PTPRR: variants seen among roughly 807,000 people sequenced by gnomAD.
The protein encoded by PTPRR is protein tyrosine phosphatase receptor type R.
Under a neutral mutation model 77.2 loss-of-function variants are expected in PTPRR, and 38 were observed. The observed-to-expected ratio is 0.49, with a 90% confidence interval of 0.38 to 0.65. The LOEUF (loss-of-function observed/expected upper bound fraction) is 0.65, where lower values mean the gene tolerates loss of function less well. PTPRR is among the 30% of genes least tolerant of loss of function. The pLI, the probability that PTPRR is intolerant of heterozygous loss-of-function variation, is 0.00. For missense variants in PTPRR, 744 were observed against 799.2 expected (o/e 0.93, Z 0.83); for synonymous variants, 299 against 283.1 (o/e 1.06, Z -0.57).
chr12:70,892,910 G>A lies in PTPRR; in HGVS notation c.126C>T (p.Phe42=), dbSNP rs761907301. Residue 42 remains phenylalanine (F), a synonymous_variant, in exon 2 of 14, where the codon TTC becomes TTT. Transcript: ENST00000283228. ...INQKKSGKPV[F]IYKHSQDIEK... ...CAATGTCTTGTGAATGCTTATAAATGAATACCGGCTTCCCACTCTTCTTCT... is the reference window on the plus strand; with the variant it reads ...CAATGTCTTGTGAATGCTTATAAATAAATACCGGCTTCCCACTCTTCTTCT... 2 of 1,613,470 alleles carry A rather than the reference G, an allele frequency of 1.2e-6. No individual in the cohort carries two copies. The highest frequency in any genetic ancestry group is 1.7e-6 in the Non-Finnish European group (2 of 1,179,590).
At chr12:70,831,602 A>G (rs910381376) in intron 2 of PTPRR, among the ~76,000 whole-genome samples, 2 of 152,210 alleles carry the variant, frequency 1.3e-5, no homozygotes, top group African/African-American at 2.4e-5. Flanking sequence ...CAAATGCTAC[A>G]AAATAGAGCA....
intron 6 of PTPRR, among the ~76,000 whole-genome samples, chr12:70,705,722 A>AT (rs35564239): frequency 0.045 from 6,772 of 149,032 alleles, 535 homozygotes; most frequent in African/African-American, 0.15. Flanking sequence ...GACTTCCGAG[A>AT]TTTTTTTTTT....
chr12:70,889,168 A>G (rs930107277), intron 2 of PTPRR, among the ~76,000 whole-genome samples: 2 of 152,190 alleles, frequency 1.3e-5, no homozygotes, highest in African/African-American at 4.8e-5. Flanking sequence ...TTCTGTTGAT[A>G]TGTACATAGA....
intron 2 of PTPRR, among the ~76,000 whole-genome samples, chr12:70,809,307 G>C (rs898395730): frequency 2.6e-5 from 4 of 152,176 alleles, no homozygotes; most frequent in South Asian, 4.1e-4. Flanking sequence ...AAAGGATGGA[G>C]AAGTAAAGGG....
intron 2 of PTPRR, among the ~76,000 whole-genome samples, chr12:70,769,988 C>T (rs796601842): frequency 0.041 from 6,277 of 152,106 alleles, 169 homozygotes; most frequent in South Asian, 0.073. Flanking sequence ...CCCTTCCTTA[C>T]ACCTTATACA....
intron 2 of PTPRR, among the ~76,000 whole-genome samples, chr12:70,856,708 A>G (rs1892657370): frequency 6.6e-6 from 1 of 151,656 alleles, no homozygotes; most frequent in South Asian, 2.1e-4. Context: ...AATTATTGCA[A>G]TTGCAGTTAT....
At chr12:70,700,611 A>G (rs142903531) in intron 7 of PTPRR, among the ~76,000 whole-genome samples, 3 of 152,106 alleles carry the variant, frequency 2.0e-5, no homozygotes, top group Non-Finnish European at 4.4e-5. Flanking sequence ...CCCTTCTACT[A>G]TATTAGTTTA....
intron 1 of PTPRR, among the ~76,000 whole-genome samples, chr12:70,908,886 C>A (rs1893661940): frequency 6.6e-6 from 1 of 152,072 alleles, no homozygotes; most frequent in Admixed American, 6.5e-5. Flanking sequence ...AAGGAAGGGC[C>A]ATATAATTAA....
chr12:70,797,236 A>G (rs1050075201), intron 2 of PTPRR, among the ~76,000 whole-genome samples: 2 of 152,182 alleles, frequency 1.3e-5, no homozygotes, highest in African/African-American at 4.8e-5. Context: ...TTGGGCATAC[A>G]GTAGTTATGA....
At chr12:70,753,194 T>C (rs1050915734) in intron 5 of PTPRR, among the ~76,000 whole-genome samples, 12 of 152,188 alleles carry the variant, frequency 7.9e-5, no homozygotes, top group Non-Finnish European at 1.6e-4. Context: ...GTTTAGCCCA[T>C]GCAGCCTGTC....
chr12:70,726,867 C>A (rs946235998), intron 6 of PTPRR, among the ~76,000 whole-genome samples: 4 of 152,130 alleles, frequency 2.6e-5, no homozygotes, highest in Non-Finnish European at 5.9e-5. Flanking sequence ...CAGGCATGAG[C>A]CACCACGCCT....
chr12:70,754,871 G>A (rs1890522596), intron 4 of PTPRR: 9 of 697,282 alleles, frequency 1.3e-5, no homozygotes, highest in South Asian at 4.5e-5. Flanking sequence ...ATCATCTCAA[G>A]AATACATATT....
intron 13 of PTPRR, among the ~76,000 whole-genome samples, chr12:70,646,516 C>T (rs1000522321): frequency 2.6e-5 from 4 of 151,944 alleles, no homozygotes; most frequent in South Asian, 2.1e-4. Context: ...CAAGTTAACA[C>T]CTAATTAACT....
intron 2 of PTPRR, among the ~76,000 whole-genome samples, chr12:70,808,018 G>A (rs1272545328): frequency 1.3e-5 from 2 of 152,144 alleles, no homozygotes; most frequent in Non-Finnish European, 2.9e-5. Context: ...GAGAAGTATT[G>A]CTGAATTCTT....
At chr12:70,744,327 T>C (rs7973330) in intron 6 of PTPRR, among the ~76,000 whole-genome samples, 3,786 of 152,218 alleles carry the variant, frequency 0.025, 168 homozygotes, top group African/African-American at 0.086. Flanking sequence ...CTTTCCACAC[T>C]GAATCACAAA....
At chr12:70,892,461 T>C (rs1380738517) in intron 2 of PTPRR, among the ~76,000 whole-genome samples, 1 of 152,046 alleles carries the variant, frequency 6.6e-6, no homozygotes, top group Non-Finnish European at 1.5e-5. Context: ...TGCATTCTGC[T>C]ATGAGCGGAG....
At chr12:70,840,530 C>T (rs1892378782) in intron 2 of PTPRR, among the ~76,000 whole-genome samples, 2 of 152,256 alleles carry the variant, frequency 1.3e-5, no homozygotes, top group African/African-American at 4.8e-5. Context: ...CTATCACAGC[C>T]ACTTTTGAGC....
chr12:70,644,195 A>ATGAC (rs1391754074), intron 13 of PTPRR, among the ~76,000 whole-genome samples: 1 of 152,232 alleles, frequency 6.6e-6, no homozygotes, highest in African/African-American at 2.4e-5. Flanking sequence ...TTCCCAATGT[A>ATGAC]TGACTGGCTT....
At chr12:70,846,524 A>T (rs575665341) in intron 2 of PTPRR, among the ~76,000 whole-genome samples, 1 of 152,146 alleles carries the variant, frequency 6.6e-6, no homozygotes, top group African/African-American at 2.4e-5. Context: ...GTCCTCTCAA[A>T]ATTCTTGTTG....
Sources: allele counts gnomAD v4.1 joint callset (sites outside exome capture counted in the v4.1 genomes callset), GRCh38; gene constraint gnomAD v4.1.1; transcripts MANE v1.5; gene names NCBI Gene and HGNC (gene_info 2026-07-23, HGNC 2026-07-21).